The following CARD9 variants were observed in gnomAD, a reference collection of about 807,000 sequenced individuals.
The protein encoded by CARD9 is caspase recruitment domain-containing protein 9.
Under a neutral mutation model 66.0 loss-of-function variants are expected in CARD9, and 53 were observed. The ratio of observed to expected loss-of-function variants is 0.80; its 90% CI spans 0.64 to 1.01. The LOEUF (loss-of-function observed/expected upper bound fraction) is 1.01. Among genes scored for constraint, CARD9 ranks in the 50% least tolerant of loss-of-function variants. The probability of loss-of-function intolerance (pLI) is 0.00; values close to 1 mark genes in which losing one functional copy is unlikely to be tolerated. For synonymous variants in CARD9, 387 were observed against 313.8 expected (o/e 1.23, Z -2.47); for missense variants, 769 against 743.2 (o/e 1.03, Z -0.40).
rs751616314 is a variant in CARD9, at chr9:136,367,762, G to A, written c.1144C>T (p.Arg382Cys). 1.2e-5 allele frequency: 19 copies of A among 1,604,876 alleles called. No individual in the cohort carries two copies. The highest frequency in any genetic ancestry group is 1.6e-4 in the Middle Eastern group (1 of 6,080). ...ARGLQEKDAL[R>C]KQVRELGEKA... ...TCGCCCAGCTCCCGCACCTGCTTGCGCAGCGCGTCCTTCTCCTGCAGGCCC... is the reference window on the plus strand; with the variant it reads ...TCGCCCAGCTCCCGCACCTGCTTGCACAGCGCGTCCTTCTCCTGCAGGCCC... The change falls in exon 8 of 13, where the codon CGC becomes TGC. Residue 382 changes from arginine (R) to cysteine (C), a missense_variant. Transcript: ENST00000371732.
rs1182919874 is a variant in CARD9 at position 136,370,186 on chromosome 9, T to C, written c.951+108A>G. 6 of 1,507,622 alleles carry C rather than the reference T, an allele frequency of 4.0e-6. No individual in the cohort carries two copies. In the African/African-American group the frequency reaches 5.5e-5, roughly 14 times the overall value. 93.4% of individuals were successfully genotyped at this position (1,507,622 alleles called of 1,614,324 possible). A position where few individuals can be genotyped will look rare whatever the true frequency, so the allele number is the denominator to read the frequency against. On this transcript the variant is annotated intron_variant, in intron 6 of 12. Transcript: ENST00000371732. ...TCCAGGAGTGGGTGAGTGGAGGCGC[T>C]GCACTGGGGTCTCCACACCCCACCT... is the stretch of plus-strand genomic sequence containing the variant.
intron 7 of CARD9, among the ~76,000 whole-genome samples, chr9:136,369,326 A>G (rs538556934): frequency 6.6e-6 from 1 of 152,260 alleles, no homozygotes; most frequent in South Asian, 2.1e-4. Flanking sequence ...GTAAAACAAA[A>G]CCAAATATAT....
chr9:136,364,249 G>T lies in CARD9; in HGVS notation c.*53C>A. Reference sequence around the variant, plus strand: ...CCCCAGGGCGTCGGCACCCCCGGGTGGCAGGAGGCCGGGCCGGTGGGTGTG... The same window carrying T: ...CCCCAGGGCGTCGGCACCCCCGGGTTGCAGGAGGCCGGGCCGGTGGGTGTG... On this transcript the variant is annotated 3_prime_UTR_variant, in exon 13 of 13. Coordinates refer to ENST00000371732, the MANE Select transcript of CARD9 (RefSeq NM_052813.5). 1 of 1,550,480 alleles carries T rather than the reference G, an allele frequency of 6.4e-7. No individual in the cohort carries two copies. Among genetic ancestry groups the T allele is most frequent in the Non-Finnish European group, 8.7e-7 (1 of 1,146,694 alleles).
Position 136,367,655 on chromosome 9 carries a change from C to T in CARD9, c.1251G>A (p.Gln417=). 6.3e-7 allele frequency: 1 copy of T among 1,592,496 alleles called. No homozygotes were observed. Among genetic ancestry groups the T allele is most frequent in the Non-Finnish European group, 8.5e-7 (1 of 1,175,482 alleles). ...GGCCCACCAGGACGAGCGTCTCCAG[C>T]TGCTGCCGCCTGAGCCTGCCCTCCA... ...LAVEGRLRRQ[Q]LETLVLSSDL... The change falls in exon 8 of 13, where the codon CAG becomes CAA. Residue 417 remains glutamine (Q), a synonymous_variant. Transcript: ENST00000371732.
intron 6 of CARD9, 39 bp from the exon 7 acceptor site, chr9:136,369,914 C>A (rs774389606): frequency 6.2e-7 from 1 of 1,607,344 alleles, no homozygotes; most frequent in Non-Finnish European, 8.5e-7. Context: ...AGGCCTGAGG[C>A]CCCCCATTCT....
At chr9:136,370,087 G>A (rs1249725749) in intron 6 of CARD9, 2 of 1,389,834 alleles carry the variant, frequency 1.4e-6, no homozygotes, top group Non-Finnish European at 1.9e-6. Flanking sequence ...CTGTGCCTCA[G>A]GCACCATGAG....
At chr9:136,372,120 A>C in intron 1 of CARD9, 26 bp from the exon 2 acceptor site, 1 of 1,609,652 alleles carries the variant, frequency 6.2e-7, no homozygotes, top group Non-Finnish European at 8.5e-7. Flanking sequence ...CAGTGCTGAG[A>C]GCGATGCCGG....
chr9:136,366,949 G>T, intron 9 of CARD9, 104 bp from the exon 10 acceptor site: 1 of 1,346,332 alleles, frequency 7.4e-7, no homozygotes, highest in Non-Finnish European at 1.1e-6. Flanking sequence ...TGCAGCCATT[G>T]CCGTCACCCC....
chr9:136,364,473 G>T lies in CARD9; in HGVS notation c.1511+10C>A. On this transcript the variant is annotated intron_variant, in intron 12 of 12. Transcript: ENST00000371732. ...CCCGTTTTGGAGAAGCCTGGGGGCC[G>T]CCCGCCTACCTGCGGTAGTTCTCAA... 1.9e-6 allele frequency: 3 copies of T among 1,540,102 alleles called. No individual in the cohort carries two copies. Among genetic ancestry groups the T allele is most frequent in the Non-Finnish European group, 2.6e-6 (3 of 1,146,864 alleles).
chr9:136,373,397 C>T (rs894823933), intron 1 of CARD9, 135 bp downstream of exon 1: 11 of 615,030 alleles, frequency 1.8e-5, no homozygotes, highest in Middle Eastern at 8.1e-4. Context: ...GTGAAAGGGA[C>T]GGGGCCGCAT....
In CARD9 at chr9:136,371,904, G is replaced by A. The variant is rs907791516; in HGVS notation, c.175C>T (p.Arg59Trp). 3.7e-6 allele frequency: 6 copies of A among 1,601,962 alleles called. No individual in the cohort carries two copies. The highest frequency in any genetic ancestry group is 1.1e-5 in the South Asian group (1 of 90,534). The change falls in exon 2 of 13, where the codon CGG becomes TGG. Residue 59 changes from arginine to tryptophan, a missense_variant. Physicochemically the swap from Arg to Trp is moderately radical, Grantham distance 101. Coordinates refer to ENST00000371732, the MANE Select transcript of CARD9 (RefSeq NM_052813.5). ...GCGGGGCAACACTGACCCACTTTCCGTTTGCGGATGACCAGGTTGGGGTCG... is the reference window on the plus strand; with the variant it reads ...GCGGGGCAACACTGACCCACTTTCCATTTGCGGATGACCAGGTTGGGGTCG... ...LSDPNLVIRK[R>W]KVGVLLDILQ...
rs1286760273 is a variant in CARD9 at position 136,371,394 on chromosome 9, C to T, written c.252G>A (p.Glu84=). The T allele has an allele frequency of 2.5e-6, 4 of 1,595,400 alleles. No homozygotes were observed. The highest frequency in any genetic ancestry group is 1.1e-5 in the South Asian group (1 of 88,476). ...TCTTGTACAGCTGCGGGTAGTAGAG[C>T]TCCAGGCTCTCGAGGAAGGCCACGT... ...KGYVAFLESL[E]LYYPQLYKKV... Residue 84 remains glutamate (E), a synonymous_variant, in exon 3 of 13, where the codon GAG becomes GAA. Transcript: ENST00000371732.
chr9:136,370,565 G>A lies in CARD9; in HGVS notation c.764C>T (p.Ala255Val), dbSNP rs1833240065. ...ELLWELQQEK[A>V]LLQARVQELE... ...CTCCTGCACCCGGGCCTGGAGCAGG[G>A]CCTTCTCCTGCTGCAGCTCCCACAG... Residue 255 changes from alanine (A) to valine (V), a missense_variant, in exon 5 of 13, where the codon GCC (alanine) becomes GTC (valine). Ala to Val is a moderately conservative substitution (Grantham distance 64). Coordinates refer to ENST00000371732, the MANE Select transcript of CARD9 (RefSeq NM_052813.5). 1 of 1,610,312 alleles carries A rather than the reference G, an allele frequency of 6.2e-7. No homozygotes were observed. The highest frequency in any genetic ancestry group is 8.5e-7 in the Non-Finnish European group (1 of 1,179,254).
rs1833130104 is a variant in CARD9, at chr9:136,366,618, C to T, written c.1357+182G>A. 3 of 681,990 alleles carry T rather than the reference C, an allele frequency of 4.4e-6. No homozygotes were observed. In the East Asian group the frequency reaches 7.8e-5, roughly 18 times the overall value. The allele number at this position is 681,990 out of a possible 1,614,324, so 42.2% of individuals were successfully genotyped here. ...TGGGGCCCTGGGTTCCAGCTGGGCT[C>T]TGTAGTTTGTTCTCTAGGTGACCTT... On this transcript the variant is annotated intron_variant, in intron 10 of 12. Coordinates refer to ENST00000371732, the MANE Select transcript of CARD9 (RefSeq NM_052813.5).
chr9:136,364,457 G>A lies in CARD9; in HGVS notation c.1511+26C>T, dbSNP rs768402338. 1.1e-4 allele frequency: 163 copies of A among 1,540,912 alleles called. 1 individual carries two copies. In the Middle Eastern group the frequency reaches 3.5e-3, roughly 34 times the overall value. On this transcript the variant is annotated intron_variant, in intron 12 of 12. Coordinates refer to ENST00000371732, the MANE Select transcript of CARD9 (RefSeq NM_052813.5). ...GGCTGCCGCTCCCCAGCCCGTTTTG[G>A]AGAAGCCTGGGGGCCGCCCGCCTAC...
intron 6 of CARD9, 149 bp downstream of exon 6, chr9:136,370,145 C>T (rs1833223010): frequency 3.4e-6 from 5 of 1,454,602 alleles, no homozygotes; most frequent in East Asian, 2.5e-5. Flanking sequence ...AAGGAGAGGG[C>T]ACCGTCCACT....
Position 136,370,669 on chromosome 9 carries a change from G to C in CARD9, c.660C>G (p.Ala220=), listed in dbSNP as rs372964807. Residue 220 remains alanine, a synonymous_variant, in exon 5 of 13, where the codon GCC becomes GCG. Transcript: ENST00000371732. ...IDQLKHSLMK[A]EDDCKVERKH... ...TGCGCTCCACCTTGCAGTCGTCCTC[G>C]GCCTTCATGAGGCTGTGCTTGAGCT... is the stretch of plus-strand genomic sequence containing the variant. 5 of 1,612,738 alleles carry C rather than the reference G, an allele frequency of 3.1e-6. No homozygotes were observed. Among genetic ancestry groups the C allele is most frequent in the South Asian group, 2.2e-5 (2 of 91,084 alleles).
At chr9:136,367,067 T>C in intron 9 of CARD9, 149 bp downstream of exon 9, 1 of 1,059,248 alleles carries the variant, frequency 9.4e-7, no homozygotes, top group Non-Finnish European at 1.4e-6. Context: ...TCAGAGGCCT[T>C]AGCATTTGGC....
In CARD9 at chr9:136,364,503, C is replaced by G. The variant is rs1027073004; in HGVS notation, c.1491G>C (p.Glu497Asp). The change falls in exon 12 of 13, where the codon GAG becomes GAC. Residue 497 changes from glutamate (E) to aspartate (D), a missense_variant. Glu to Asp is a conservative substitution (Grantham distance 45). Coordinates refer to ENST00000371732, the MANE Select transcript of CARD9 (RefSeq NM_052813.5). Reference protein sequence around the residue: ...PPEKERRRLKESFENYRRKRA... With the variant: ...PPEKERRRLKDSFENYRRKRA... ...CCTACCTGCGGTAGTTCTCAAAACTCTCTTTGAGGCGCCGCCGCTCCTTCT... is the reference window on the plus strand; with the variant it reads ...CCTACCTGCGGTAGTTCTCAAAACTGTCTTTGAGGCGCCGCCGCTCCTTCT... The G allele has an allele frequency of 1.0e-5, 16 of 1,539,386 alleles. No homozygotes were observed. The East Asian group carries it at 2.7e-4, about 26-fold the overall frequency.
Sources: gnomAD v4.1 joint callset for allele counts (sites outside exome capture counted in the v4.1 genomes callset) on GRCh38, gnomAD v4.1.1 for gene constraint, MANE v1.5 for transcripts, NCBI Gene and HGNC (gene_info 2026-07-23, HGNC 2026-07-21) for gene names.